GSK3B: variants seen among roughly 807,000 people sequenced by gnomAD.
GSK3B encodes glycogen synthase kinase-3 beta.
GSK3B carries 15 observed loss-of-function variants against 56.4 expected under a neutral mutation model. The observed-to-expected ratio is 0.27, with a 90% confidence interval of 0.18 to 0.41. GSK3B has a LOEUF of 0.41. Ranked by LOEUF, GSK3B falls within the 10% of genes least tolerant of loss-of-function variation. The pLI, the probability that GSK3B is intolerant of heterozygous loss-of-function variation, is 1.00. For synonymous variants in GSK3B, 181 were observed against 188.9 expected (o/e 0.96, Z 0.34); for missense variants, 300 against 513.4 (o/e 0.58, Z 4.02).
chr3:119,889,845 A>G (rs914225004), intron 7 of GSK3B, among the ~76,000 whole-genome samples: 6 of 152,188 alleles, frequency 3.9e-5, no homozygotes, highest in African/African-American at 1.4e-4. Flanking sequence ...AAAGAATGCA[A>G]GAAGTTATAC....
intron 2 of GSK3B, among the ~76,000 whole-genome samples, chr3:119,998,956 C>G (rs181487272): frequency 2.5e-4 from 38 of 152,170 alleles, no homozygotes; most frequent in Admixed American, 8.5e-4. Flanking sequence ...TGGAAGACAG[C>G]CTATATCAAG....
chr3:119,949,070 T>C (rs951746953), intron 2 of GSK3B, among the ~76,000 whole-genome samples: 4 of 152,174 alleles, frequency 2.6e-5, no homozygotes, highest in Non-Finnish European at 5.9e-5. Flanking sequence ...TCAATACTCA[T>C]TCCTCTCATA....
chr3:120,071,911 T>C (rs903360767), intron 1 of GSK3B, among the ~76,000 whole-genome samples: 3 of 152,128 alleles, frequency 2.0e-5, no homozygotes, highest in Non-Finnish European at 4.4e-5. Context: ...AATCCAACTA[T>C]TAATACATGA....
intron 4 of GSK3B, among the ~76,000 whole-genome samples, chr3:119,921,549 T>C (rs1202194671): frequency 6.6e-6 from 1 of 152,142 alleles, no homozygotes. Flanking sequence ...CCAAAGAACA[T>C]ACTAATTACA....
intron 9 of GSK3B, among the ~76,000 whole-genome samples, chr3:119,861,732 T>A (rs1418405233): frequency 6.6e-6 from 1 of 152,196 alleles, no homozygotes; most frequent in Non-Finnish European, 1.5e-5. Flanking sequence ...GAACACTTTT[T>A]AACAAGGGGC....
chr3:119,954,584 C>A (rs914781544), intron 2 of GSK3B, among the ~76,000 whole-genome samples: 3 of 152,180 alleles, frequency 2.0e-5, no homozygotes, highest in Admixed American at 6.5e-5. Flanking sequence ...TCTTACTAAT[C>A]ATTCTCAACT....
At chr3:120,046,245 C>T (rs2058101819) in intron 1 of GSK3B, among the ~76,000 whole-genome samples, 1 of 152,076 alleles carries the variant, frequency 6.6e-6, no homozygotes, top group African/African-American at 2.4e-5. Flanking sequence ...AAAGTGTGGG[C>T]CCTAATGGAA....
rs558802829 is a variant in GSK3B at position 119,955,333 on chromosome 3, T to C, written c.283-7982A>G. On this transcript the variant is annotated intron_variant, in intron 2 of 10. Transcript: ENST00000264235. ...ACTATTTATGAGGTACATGGATATT[T>C]TGTTCCATGCATAGAACATGTAATG... Among the ~76,000 whole-genome samples, 7 of 152,240 alleles carry C rather than the reference T, an allele frequency of 4.6e-5. No homozygotes were observed. In the South Asian group the frequency reaches 8.3e-4, roughly 18 times the overall value.
At chr3:120,081,814 A>T (rs1331322530) in intron 1 of GSK3B, among the ~76,000 whole-genome samples, 1 of 152,246 alleles carries the variant, frequency 6.6e-6, no homozygotes, top group Non-Finnish European at 1.5e-5. Context: ...AACAAGACAC[A>T]TTAACAAGAA....
chr3:120,085,452 C>A (rs1042166969), intron 1 of GSK3B, among the ~76,000 whole-genome samples: 2 of 152,182 alleles, frequency 1.3e-5, no homozygotes, highest in African/African-American at 4.8e-5. Context: ...ACCACATACT[C>A]AAAATCTAGC....
intron 9 of GSK3B, among the ~76,000 whole-genome samples, chr3:119,855,333 G>C (rs2056002884): frequency 6.6e-6 from 1 of 152,170 alleles, no homozygotes; most frequent in South Asian, 2.1e-4. Context: ...GAAACAACAG[G>C]TGCTGGAGAG....
chr3:119,866,663 G>A (rs763473750), intron 8 of GSK3B: 20 of 1,474,784 alleles, frequency 1.4e-5, no homozygotes, highest in Non-Finnish European at 1.9e-5. Context: ...AATCCAAACA[G>A]GGGAAGTCAA....
intron 7 of GSK3B, among the ~76,000 whole-genome samples, chr3:119,887,133 T>C (rs1244804476): frequency 6.6e-6 from 1 of 152,188 alleles, no homozygotes; most frequent in Non-Finnish European, 1.5e-5. Context: ...CTAAAACTTA[T>C]TTTAAAATGC....
intron 3 of GSK3B, among the ~76,000 whole-genome samples, chr3:119,931,625 C>CAA (rs1465394336): frequency 6.6e-6 from 1 of 151,678 alleles, no homozygotes; most frequent in African/African-American, 2.4e-5. Context: ...AAAAACAAAA[C>CAA]AAAACAAAAA....
intron 2 of GSK3B, among the ~76,000 whole-genome samples, chr3:119,975,699 A>C (rs2057403364): frequency 6.6e-6 from 1 of 152,210 alleles, no homozygotes; most frequent in Non-Finnish European, 1.5e-5. Flanking sequence ...TCCCTATACA[A>C]TTGTCAAAAC....
At chr3:119,990,388 G>T (rs988636043) in intron 2 of GSK3B, among the ~76,000 whole-genome samples, 1 of 152,164 alleles carries the variant, frequency 6.6e-6, no homozygotes, top group Non-Finnish European at 1.5e-5. Context: ...ATCAAAATCA[G>T]CCAGGAGCAC....
chr3:119,842,469 C>T (rs926014385), intron 10 of GSK3B, among the ~76,000 whole-genome samples: 16 of 151,988 alleles, frequency 1.1e-4, no homozygotes, highest in African/African-American at 3.6e-4. Flanking sequence ...ATATTTGCCT[C>T]TCTAGTATAC....
At position 120,094,426 on chromosome 3, in the gene GSK3B, C is replaced by G; in HGVS notation, c.-992G>C. ...GCGGCGGCACAAGCCCGCATTCGCC[C>G]GGGTCAGGAGCTGCTCTGTGTGAGG... On this transcript the variant is annotated 5_prime_UTR_variant, in exon 1 of 11. Coordinates refer to ENST00000264235, the MANE Select transcript of GSK3B (RefSeq NM_001146156.2). 1 of 314,308 alleles carries G rather than the reference C, an allele frequency of 3.2e-6. No individual in the cohort carries two copies. The highest frequency in any genetic ancestry group is 5.9e-6 in the Non-Finnish European group (1 of 169,640). 19.5% of individuals were successfully genotyped at this position (314,308 alleles called of 1,614,324 possible).
chr3:119,887,704 CA>C (rs1206228907), intron 7 of GSK3B, among the ~76,000 whole-genome samples: 1 of 151,908 alleles, frequency 6.6e-6, no homozygotes, highest in Non-Finnish European at 1.5e-5. Flanking sequence ...GAAACATTAC[CA>C]AAACTTACCC....
Sources: gnomAD v4.1 joint callset for allele counts (sites outside exome capture counted in the v4.1 genomes callset) on GRCh38, gnomAD v4.1.1 for gene constraint, MANE v1.5 for transcripts, NCBI Gene and HGNC (gene_info 2026-07-23, HGNC 2026-07-21) for gene names.